The following CNTNAP5 variants were observed in gnomAD, a reference collection of about 807,000 sequenced individuals.
The protein encoded by CNTNAP5 is contactin-associated protein-like 5.
CNTNAP5 carries 72 observed loss-of-function variants against 150.2 expected under a neutral mutation model. The observed-to-expected ratio is 0.48, with a 90% CI of 0.40 to 0.58. The LOEUF is 0.58. CNTNAP5 is among the 20% of genes least tolerant of loss of function. CNTNAP5 has a pLI of 0.00. For synonymous variants in CNTNAP5, 672 were observed against 619.8 expected (o/e 1.08, Z -1.25); for missense variants, 1,636 against 1,626.2 (o/e 1.01, Z -0.10).
chr2:124,882,693 C>A (rs1573685432), intron 21 of CNTNAP5, among the ~76,000 whole-genome samples: 1 of 152,008 alleles, frequency 6.6e-6, no homozygotes, highest in Non-Finnish European at 1.5e-5. Context: ...ACAGGAAGTT[C>A]CATATGTGTA....
At chr2:124,183,908 A>T (rs1685266960) in intron 1 of CNTNAP5, among the ~76,000 whole-genome samples, 1 of 152,194 alleles carries the variant, frequency 6.6e-6, no homozygotes, top group South Asian at 2.1e-4. Context: ...GTAATAGCGA[A>T]AACCGCGATT....
chr2:124,448,489 A>G (rs544206045), intron 6 of CNTNAP5, among the ~76,000 whole-genome samples: 11 of 152,188 alleles, frequency 7.2e-5, no homozygotes, highest in East Asian at 5.8e-4. Flanking sequence ...TCCCAATTCT[A>G]TGTTCAGTGA....
chr2:124,227,350 G>T (rs1304772933), intron 2 of CNTNAP5, among the ~76,000 whole-genome samples: 2 of 151,930 alleles, frequency 1.3e-5, no homozygotes, highest in African/African-American at 4.8e-5. Context: ...GCCTCCTTCA[G>T]ATCTACTACT....
chr2:124,338,273 C>G (rs377608203), intron 3 of CNTNAP5, among the ~76,000 whole-genome samples: 13 of 152,230 alleles, frequency 8.5e-5, no homozygotes, highest in South Asian at 4.1e-4. Flanking sequence ...TGGGCTGAGA[C>G]GATGGCATTT....
At chr2:124,598,240 T>C (rs1399919494) in intron 11 of CNTNAP5, among the ~76,000 whole-genome samples, 1 of 133,520 alleles carries the variant, frequency 7.5e-6, no homozygotes. Flanking sequence ...GAGTTTCCAG[T>C]TTTTCTGTTC....
intron 12 of CNTNAP5, among the ~76,000 whole-genome samples, chr2:124,614,307 C>G (rs1677450324): frequency 6.6e-6 from 1 of 152,082 alleles, no homozygotes; most frequent in South Asian, 2.1e-4. Flanking sequence ...GGGTCCTGAT[C>G]CAGACCCCAA....
At position 124,834,791 on chromosome 2, in the gene CNTNAP5, GTATATA is replaced by G. The variant is rs35344366; in HGVS notation, c.3218-30502_3218-30497del. ...AAAGATACCTTTAAAATATTTCACA[GTATATA>G]TATATATATATACTTATCAAAGGAA... On this transcript the variant is annotated intron_variant, in intron 19 of 23. Coordinates refer to ENST00000682447, the MANE Select transcript of CNTNAP5 (RefSeq NM_001367498.1). Among the ~76,000 whole-genome samples, 56 of 147,530 alleles carry G rather than the reference GTATATA, an allele frequency of 3.8e-4. No individual in the cohort carries two copies. In the East Asian group the frequency reaches 0.01, roughly 27 times the overall value.
intron 1 of CNTNAP5, among the ~76,000 whole-genome samples, chr2:124,203,386 C>T (rs1685776261): frequency 6.6e-6 from 1 of 152,118 alleles, no homozygotes; most frequent in Admixed American, 6.5e-5. Flanking sequence ...CTTTTCTGGG[C>T]TCATGGTGCA....
At chr2:124,191,435 T>C (rs1169250720) in intron 1 of CNTNAP5, among the ~76,000 whole-genome samples, 1 of 152,220 alleles carries the variant, frequency 6.6e-6, no homozygotes, top group Non-Finnish European at 1.5e-5. Flanking sequence ...AAAATATTTC[T>C]TGCAATGAAA....
chr2:124,291,972 T>C (rs1688306388), intron 3 of CNTNAP5, among the ~76,000 whole-genome samples: 1 of 152,082 alleles, frequency 6.6e-6, no homozygotes, highest in Admixed American at 6.6e-5. Flanking sequence ...AAACTTAAAA[T>C]TGACTCATAA....
intron 13 of CNTNAP5, among the ~76,000 whole-genome samples, chr2:124,676,150 C>T (rs1035228567): frequency 9.2e-5 from 14 of 152,144 alleles, no homozygotes; most frequent in African/African-American, 3.1e-4. Flanking sequence ...TTCTTAAATG[C>T]CCTGAACCAA....
At chr2:124,264,003 C>G (rs931308941) in intron 3 of CNTNAP5, among the ~76,000 whole-genome samples, 2 of 152,062 alleles carry the variant, frequency 1.3e-5, no homozygotes, top group Non-Finnish European at 2.9e-5. Flanking sequence ...TTCCATTGGT[C>G]TATATCTCTG....
At chr2:124,887,627 G>A (rs973487772) in intron 21 of CNTNAP5, among the ~76,000 whole-genome samples, 1 of 152,154 alleles carries the variant, frequency 6.6e-6, no homozygotes, top group Non-Finnish European at 1.5e-5. Flanking sequence ...GCCATATGGA[G>A]GCAATTATAG....
At chr2:124,337,300 A>C (rs1431713638) in intron 3 of CNTNAP5, among the ~76,000 whole-genome samples, 1 of 152,090 alleles carries the variant, frequency 6.6e-6, no homozygotes, top group Non-Finnish European at 1.5e-5. Flanking sequence ...AGATTGCAAA[A>C]ATTTTCTCCC....
At chr2:124,614,133 G>T (rs1297583553) in intron 12 of CNTNAP5, among the ~76,000 whole-genome samples, 1 of 152,158 alleles carries the variant, frequency 6.6e-6, no homozygotes, top group Non-Finnish European at 1.5e-5. Flanking sequence ...GGCATTGTGG[G>T]CACTGTGAAA....
intron 7 of CNTNAP5, among the ~76,000 whole-genome samples, chr2:124,482,109 T>C (rs2104840800): frequency 6.6e-6 from 1 of 152,342 alleles, no homozygotes; most frequent in East Asian, 1.9e-4. Context: ...ATCCAACTAA[T>C]GAGCTGAGCA....
At chr2:124,505,077 G>C (rs1374194157) in intron 8 of CNTNAP5, among the ~76,000 whole-genome samples, 1 of 152,052 alleles carries the variant, frequency 6.6e-6, no homozygotes, top group Non-Finnish European at 1.5e-5. Context: ...CTTTGGTTAA[G>C]TGCTTAAATT....
At position 124,103,841 on chromosome 2, in the gene CNTNAP5, TTAA is replaced by T. The variant is rs199662615; in HGVS notation, c.82+78115_82+78117del. Among the ~76,000 whole-genome samples the T allele has an allele frequency of 6.6e-3, 978 of 147,874 alleles. 12 individuals carry two copies. The highest frequency in any genetic ancestry group is 0.023 in the African/African-American group (923 of 40,744). On this transcript the variant is annotated intron_variant, in intron 1 of 23. Transcript: ENST00000682447. ...CATTATATATGTTATTAAAATATAG[TTAA>T]TAATAGATATATATAAATAAATTTA... is the stretch of plus-strand genomic sequence containing the variant.
chr2:124,689,376 G>A (rs1444082267), intron 13 of CNTNAP5, among the ~76,000 whole-genome samples: 2 of 152,164 alleles, frequency 1.3e-5, no homozygotes, highest in Non-Finnish European at 2.9e-5. Context: ...TTGGATCTTG[G>A]AAGGTGAATG....
Sources: gnomAD v4.1 joint callset for allele counts (sites outside exome capture counted in the v4.1 genomes callset) on GRCh38, gnomAD v4.1.1 for gene constraint, MANE v1.5 for transcripts, NCBI Gene and HGNC (gene_info 2026-07-23, HGNC 2026-07-21) for gene names.